MLLT1: variants seen among roughly 807,000 people sequenced by gnomAD.
MLLT1 encodes the protein protein ENL.
Under a neutral mutation model 55.1 loss-of-function variants are expected in MLLT1, and 11 were observed. The ratio of observed to expected loss-of-function variants is 0.20; its 90% CI spans 0.13 to 0.33. The LOEUF (loss-of-function observed/expected upper bound fraction) is 0.33. MLLT1 is among the 10% of genes least tolerant of loss of function. The pLI is 1.00. For missense variants in MLLT1, 536 were observed against 760.6 expected (o/e 0.70, Z 3.47); for synonymous variants, 323 against 320.1 (o/e 1.01, Z -0.10).
At position 6,230,613 on chromosome 19, in the gene MLLT1, T is replaced by A; in HGVS notation, c.377A>T (p.Asn126Ile). The A allele has an allele frequency of 6.2e-7, 1 of 1,613,578 alleles. No individual in the cohort carries two copies. Among genetic ancestry groups the A allele is most frequent in the Non-Finnish European group, 8.5e-7 (1 of 1,179,932 alleles). The change falls in exon 4 of 12, where the codon AAC becomes ATC. Residue 126 changes from asparagine (N) to isoleucine (I), a missense_variant. Asn to Ile is a moderately radical substitution (Grantham distance 149). Transcript: ENST00000252674. This position sits in a 1 kb window ranked among gnomAD's most constrained non-coding sequence, Gnocchi z 9.0. ...CTTGTACCGGAACTCCGTGGTGGGG[T>A]TGTTGAAGGTGAGCTTCTCGCAGCG... The part of the protein sequence containing the change: ...HLRCEKLTFN[N>I]PTTEFRYKLL...
chr19:6,215,904 C>T (rs920060293), intron 8 of MLLT1, among the ~76,000 whole-genome samples: 2 of 152,264 alleles, frequency 1.3e-5, no homozygotes, highest in South Asian at 2.1e-4. Context: ...GGATGTGCCT[C>T]GGCACCCCTG....
In MLLT1 at chr19:6,257,249, T is replaced by C. The variant is rs2091264655; in HGVS notation, c.276+4979A>G. ...AGGGCTGGGTGCGGCAGCTCACGCC[T>C]GTGATCCCAGCTAGTTGGGAGGCTG... On this transcript the variant is annotated intron_variant, in intron 3 of 11. Transcript: ENST00000252674. Among the ~76,000 whole-genome samples, 2 of 152,148 alleles carry C rather than the reference T, an allele frequency of 1.3e-5. 1 individual carries two copies. The highest frequency in any genetic ancestry group is 4.1e-4 in the South Asian group (2 of 4,834).
intron 8 of MLLT1, 80 bp from the exon 9 acceptor site, chr19:6,214,118 C>CCGCA: frequency 3.3e-6 from 3 of 899,418 alleles, no homozygotes; most frequent in Non-Finnish European, 4.6e-6. Flanking sequence ...AGCCTCTGCC[C>CCGCA]CGCACGGAGT....
chr19:6,237,241 C>T (rs1470863615), intron 3 of MLLT1, among the ~76,000 whole-genome samples: 2 of 152,210 alleles, frequency 1.3e-5, no homozygotes, highest in Non-Finnish European at 2.9e-5. Flanking sequence ...GCCACCACCT[C>T]TGAGAGGCCA....
In MLLT1 at chr19:6,222,544, G is replaced by A; in HGVS notation, c.687C>T (p.Thr229=). The A allele has an allele frequency of 6.2e-7, 1 of 1,600,992 alleles. No individual in the cohort carries two copies. Among genetic ancestry groups the A allele is most frequent in the Non-Finnish European group, 8.5e-7 (1 of 1,179,752 alleles). ...EREQAKSSKD[T]SRKLGEGRLP... is the part of the protein sequence containing the mutation. The stretch of plus-strand genomic sequence containing the variant: ...GCCGGCCCTCGCCCAGCTTCCGCGA[G>A]GTGTCCTTGGAGCTTTTGGCCTGCT... The change falls in exon 6 of 12, where the codon ACC becomes ACT. Residue 229 remains threonine, a synonymous_variant. Coordinates refer to ENST00000252674, the MANE Select transcript of MLLT1 (RefSeq NM_005934.4). This position sits in a 1 kb window ranked among gnomAD's most constrained non-coding sequence, Gnocchi z 4.1.
At chr19:6,247,378 G>A (rs947793267) in intron 3 of MLLT1, among the ~76,000 whole-genome samples, 14 of 152,196 alleles carry the variant, frequency 9.2e-5, no homozygotes, top group Admixed American at 6.5e-5. Context: ...TGAGCCTGTG[G>A]TGCCAGAATG....
At chr19:6,236,545 C>T (rs1305424873) in intron 3 of MLLT1, among the ~76,000 whole-genome samples, 6 of 152,168 alleles carry the variant, frequency 3.9e-5, no homozygotes, top group Non-Finnish European at 7.3e-5. Context: ...AGGAAGGCAC[C>T]CCCTGCCGGC....
Position 6,219,841 on chromosome 19 carries a change from G to A in MLLT1, c.1111-1800C>T, listed in dbSNP as rs772244904. ...AGGCCCCCAAGCCTGTCCTGGCGCCGTGCCAGACAGAGGAAAGCCAGTCAG... is the reference window on the plus strand; with the variant it reads ...AGGCCCCCAAGCCTGTCCTGGCGCCATGCCAGACAGAGGAAAGCCAGTCAG... On this transcript the variant is annotated intron_variant, in intron 6 of 11. Coordinates refer to ENST00000252674, the MANE Select transcript of MLLT1 (RefSeq NM_005934.4). The surrounding 1 kb of genome is among the most constrained non-coding windows in gnomAD (Gnocchi z 4.5). Among the ~76,000 whole-genome samples, 14 of 152,258 alleles carry A rather than the reference G, an allele frequency of 9.2e-5. No homozygotes were observed. Among genetic ancestry groups the A allele is most frequent in the South Asian group, 2.1e-4 (1 of 4,838 alleles).
intron 2 of MLLT1, among the ~76,000 whole-genome samples, chr19:6,264,640 C>A (rs1386155437): frequency 1.3e-5 from 2 of 152,026 alleles, no homozygotes; most frequent in Non-Finnish European, 2.9e-5. Context: ...CACCACAGCT[C>A]ACACCTGTAA....
At chr19:6,259,799 TAAAAAA>T (rs60832951) in intron 3 of MLLT1, 2 of 70,138 alleles carry the variant, frequency 2.9e-5, no homozygotes, top group Non-Finnish European at 5.2e-5. Flanking sequence ...AAACATGACT[TAAAAAA>T]AAAAAAAAAA....
chr19:6,221,315 A>G (rs2090894779), intron 6 of MLLT1, among the ~76,000 whole-genome samples: 1 of 152,168 alleles, frequency 6.6e-6, no homozygotes, highest in South Asian at 2.1e-4. Flanking sequence ...AGTGCCAGAT[A>G]ATAGCGCTGG....
At chr19:6,239,703 C>T (rs1051894953) in intron 3 of MLLT1, among the ~76,000 whole-genome samples, 16 of 151,912 alleles carry the variant, frequency 1.1e-4, no homozygotes, top group Non-Finnish European at 1.8e-4. Context: ...CAAACACACC[C>T]GTGTACACAC....
intron 2 of MLLT1, among the ~76,000 whole-genome samples, chr19:6,269,715 C>A (rs963171791): frequency 6.6e-6 from 1 of 152,178 alleles, no homozygotes; most frequent in African/African-American, 2.4e-5. Context: ...CCCTGGAGCT[C>A]CCGGGACCCC....
At chr19:6,276,499 C>T (rs570827936) in intron 1 of MLLT1, among the ~76,000 whole-genome samples, 297 of 152,256 alleles carry the variant, frequency 2.0e-3, no homozygotes, top group African/African-American at 6.9e-3. Context: ...GCAATTCGAG[C>T]GTGGGGGTGC....
intron 2 of MLLT1, among the ~76,000 whole-genome samples, chr19:6,266,723 CT>C (rs2091352097): frequency 6.6e-6 from 1 of 152,194 alleles, no homozygotes; most frequent in Non-Finnish European, 1.5e-5. Context: ...TCCCAAAGTT[CT>C]GGGATTACAG....
At position 6,230,763 on chromosome 19, in the gene MLLT1, AG is replaced by A. The variant is rs1295367560; in HGVS notation, c.277-51del. ...CTGCATCAGAGGGTGGCCGTGGTGC[AG>A]GGACACAGCTCCCCATTGGCCCTGG... On this transcript the variant is annotated intron_variant, in intron 3 of 11. Transcript: ENST00000252674. The surrounding 1 kb of genome is among the most constrained non-coding windows in gnomAD (Gnocchi z 9.0). The A allele has an allele frequency of 1.2e-6, 2 of 1,605,812 alleles. No individual in the cohort carries two copies. The highest frequency in any genetic ancestry group is 1.7e-5 in the Admixed American group (1 of 59,706).
At chr19:6,257,987 C>G (rs1190861664) in intron 3 of MLLT1, among the ~76,000 whole-genome samples, 1 of 152,170 alleles carries the variant, frequency 6.6e-6, no homozygotes, top group Non-Finnish European at 1.5e-5. Flanking sequence ...AAACAGAAAA[C>G]AAGCATTGCT....
rs1325412821 is a variant in MLLT1, at chr19:6,222,739, C to T, written c.547-55G>A. On this transcript the variant is annotated intron_variant, in intron 5 of 11. Coordinates refer to ENST00000252674, the MANE Select transcript of MLLT1 (RefSeq NM_005934.4). The surrounding 1 kb of genome is among the most constrained non-coding windows in gnomAD (Gnocchi z 4.1). ...GGAGAGACAAGGTCACGTGGCATTG[C>T]GGGGCGCCCTGCTCCGCCACCCCTG... 22 of 1,446,198 alleles carry T rather than the reference C, an allele frequency of 1.5e-5. No individual in the cohort carries two copies. In the Admixed American group the frequency reaches 4.3e-4, roughly 28 times the overall value. 89.6% of individuals were successfully genotyped at this position (1,446,198 alleles called of 1,614,324 possible).
intron 2 of MLLT1, among the ~76,000 whole-genome samples, chr19:6,265,827 A>C (rs1329604826): frequency 6.6e-6 from 1 of 150,760 alleles, no homozygotes; most frequent in Non-Finnish European, 1.5e-5. Flanking sequence ...AAAAATACAA[A>C]AATTAGCCAA....
Sources: gnomAD v4.1 joint callset for allele counts (sites outside exome capture counted in the v4.1 genomes callset) on GRCh38, gnomAD v4.1.1 for gene constraint, Gnocchi (gnomAD v3.1) non-coding constraint, MANE v1.5 for transcripts, NCBI Gene and HGNC (gene_info 2026-07-23, HGNC 2026-07-21) for gene names.